CTNNA2: variants seen among roughly 807,000 people sequenced by gnomAD.
The protein encoded by CTNNA2 is catenin alpha-2.
Under a neutral mutation model 101.0 loss-of-function variants are expected in CTNNA2, and 42 were observed. The ratio of observed to expected loss-of-function variants is 0.42; its 90% CI spans 0.32 to 0.54. The LOEUF is 0.54. Among genes scored for constraint, CTNNA2 ranks in the 20% least tolerant of loss-of-function variants. CTNNA2 has a pLI of 0.14. For synonymous variants in CTNNA2, 450 were observed against 456.4 expected, an observed-to-expected ratio of 0.99 and a Z score of 0.18; for missense variants, 871 against 1,223.1, an observed-to-expected ratio of 0.71 and a Z score of 4.29.
chr2:79,507,488 T>C (rs1317605336), intron 5 of CTNNA2, among the ~76,000 whole-genome samples: 2 of 152,102 alleles, frequency 1.3e-5, no homozygotes, highest in East Asian at 3.9e-4. Flanking sequence ...CTTTCCACCA[T>C]AAGATAATGC....
chr2:80,314,134 G>A (rs1159321596), intron 7 of CTNNA2, among the ~76,000 whole-genome samples: 1 of 152,152 alleles, frequency 6.6e-6, no homozygotes, highest in African/African-American at 2.4e-5. Flanking sequence ...AGTGGTGGCA[G>A]TAGATGCAAA....
intron 4 of CTNNA2, among the ~76,000 whole-genome samples, chr2:79,461,772 GA>G (rs1387604302): frequency 6.6e-6 from 1 of 151,918 alleles, no homozygotes. Context: ...AATTTACCTT[GA>G]AAAGAACATA....
intron 7 of CTNNA2, among the ~76,000 whole-genome samples, chr2:80,005,788 A>G (rs1693299473): frequency 6.6e-6 from 1 of 151,086 alleles, no homozygotes; most frequent in Admixed American, 6.6e-5. Context: ...TTTTTTTTAA[A>G]CAAGCACAGC....
intron 7 of CTNNA2, among the ~76,000 whole-genome samples, chr2:79,993,623 G>A (rs1181471619): frequency 2.6e-5 from 4 of 152,166 alleles, no homozygotes; most frequent in Non-Finnish European, 5.9e-5. Context: ...GGATGCTTGA[G>A]CAAGAGTCTA....
In CTNNA2 at chr2:79,438,713, T is replaced by C. The variant is rs183425605; in HGVS notation, c.-135+64700T>C. Among the ~76,000 whole-genome samples the C allele has an allele frequency of 2.6e-3, 399 of 152,274 alleles. 2 individuals are homozygous for C. Among genetic ancestry groups the C allele is most frequent in the Non-Finnish European group, 4.5e-3 (304 of 68,014 alleles). On this transcript the variant is annotated intron_variant, in intron 4 of 21. Coordinates refer to the CTNNA2 transcript ENST00000466387. ...TGACTGTGTAGTCTGAAACCTCACCTAGGCCAGCAATCCTCAAATGTTAAT... is the reference window on the plus strand; with the variant it reads ...TGACTGTGTAGTCTGAAACCTCACCCAGGCCAGCAATCCTCAAATGTTAAT...
At chr2:80,417,079 G>T (rs994887158) in intron 8 of CTNNA2, among the ~76,000 whole-genome samples, 1 of 151,650 alleles carries the variant, frequency 6.6e-6, no homozygotes, top group Non-Finnish European at 1.5e-5. Flanking sequence ...GATAATTACG[G>T]GTCAGTCTTC....
intron 2 of CTNNA2, among the ~76,000 whole-genome samples, chr2:79,213,672 C>G (rs1490149780): frequency 6.6e-6 from 1 of 152,040 alleles, no homozygotes; most frequent in Non-Finnish European, 1.5e-5. Context: ...GTGGATCAGA[C>G]AGATATAGTC....
Position 80,017,368 on chromosome 2 carries a change from A to G in CTNNA2, c.1056+107571A>G, listed in dbSNP as rs375277596. On this transcript the variant is annotated intron_variant, in intron 7 of 18. Coordinates refer to ENST00000402739, the MANE Select transcript of CTNNA2 (RefSeq NM_001282597.3). ...AAAAACAAATGGTAGTTCTTCCTGT[A>G]TATATATATCCTTGTTGATTTACAT... Among the ~76,000 whole-genome samples, 25 of 152,140 alleles carry G rather than the reference A, an allele frequency of 1.6e-4. 1 individual carries two copies. In the East Asian group the frequency reaches 2.5e-3, roughly 15 times the overall value.
chr2:80,242,248 AAAGGCT>A, intron 7 of CTNNA2, among the ~76,000 whole-genome samples: 1 of 152,328 alleles, frequency 6.6e-6, no homozygotes, highest in East Asian at 1.9e-4. Context: ...CATTGGATTG[AAAGGCT>A]ATTGTATCCA....
intron 7 of CTNNA2, among the ~76,000 whole-genome samples, chr2:79,972,596 T>C (rs1349164892): frequency 1.3e-5 from 2 of 152,254 alleles, no homozygotes; most frequent in African/African-American, 4.8e-5. Context: ...AAATTAGATA[T>C]GCTGGAGTTA....
intron 3 of CTNNA2, among the ~76,000 whole-genome samples, chr2:79,759,138 C>CA (rs1558904425): frequency 6.6e-6 from 1 of 152,114 alleles, no homozygotes; most frequent in Admixed American, 6.6e-5. Flanking sequence ...TAATGCTTGA[C>CA]ACTGTATGCC....
intron 9 of CTNNA2, among the ~76,000 whole-genome samples, chr2:80,455,205 A>G (rs1354226656): frequency 2.6e-5 from 4 of 152,242 alleles, no homozygotes; most frequent in Non-Finnish European, 5.9e-5. Context: ...TGAAATTTTT[A>G]AAGTGCCATG....
intron 4 of CTNNA2, among the ~76,000 whole-genome samples, chr2:79,390,186 T>C (rs578258162): frequency 1.3e-5 from 2 of 152,276 alleles, no homozygotes; most frequent in East Asian, 3.9e-4. Flanking sequence ...ATTCATCTCT[T>C]TTGGCAGCAC....
At chr2:79,851,940 G>A (rs1300662919) in intron 3 of CTNNA2, among the ~76,000 whole-genome samples, 1 of 151,780 alleles carries the variant, frequency 6.6e-6, no homozygotes, top group East Asian at 1.9e-4. Flanking sequence ...GTTTCACCCT[G>A]TTGGCCAGAC....
intron 7 of CTNNA2, among the ~76,000 whole-genome samples, chr2:80,076,290 T>G (rs1048460492): frequency 2.6e-5 from 4 of 151,776 alleles, no homozygotes; most frequent in Non-Finnish European, 5.9e-5. Context: ...TTTTTTTTTT[T>G]CTTTTTTAGA....
chr2:79,404,640 A>C (rs1273783646), intron 4 of CTNNA2, among the ~76,000 whole-genome samples: 1 of 152,026 alleles, frequency 6.6e-6, no homozygotes, highest in African/African-American at 2.4e-5. Context: ...AAATTCCTCC[A>C]CATTCAGGCC....
intron 7 of CTNNA2, among the ~76,000 whole-genome samples, chr2:80,220,547 C>T (rs148391180): frequency 6.6e-6 from 1 of 152,184 alleles, no homozygotes; most frequent in Admixed American, 6.5e-5. Context: ...CATAGCAAGA[C>T]CTCGGCTCTA....
In CTNNA2 at chr2:80,622,892, A is replaced by G. The variant is rs1671278372; in HGVS notation, c.2574+3664A>G. Among the ~76,000 whole-genome samples the G allele has an allele frequency of 2.0e-5, 3 of 151,704 alleles. No homozygotes were observed. The South Asian group carries it at 6.2e-4, about 31-fold the overall frequency. The stretch of plus-strand genomic sequence containing the variant: ...AGGACTCAGTTTAGATCACCCAGTG[A>G]CATGGCTTCTAATTTCCTATTGTGA... On this transcript the variant is annotated intron_variant, in intron 18 of 18. Transcript: ENST00000402739.
chr2:80,486,748 A>G (rs914380348), intron 9 of CTNNA2, among the ~76,000 whole-genome samples: 1 of 152,112 alleles, frequency 6.6e-6, no homozygotes, highest in Non-Finnish European at 1.5e-5. Context: ...CCTTTGTCCA[A>G]CTTCCTCTAA....
Sources: gnomAD v4.1 joint callset for allele counts (sites outside exome capture counted in the v4.1 genomes callset) on GRCh38, gnomAD v4.1.1 for gene constraint, MANE v1.5 for transcripts, NCBI Gene and HGNC (gene_info 2026-07-23, HGNC 2026-07-21) for gene names.